The following VAT1L variants were observed in gnomAD, a reference collection of about 807,000 sequenced individuals.
The protein encoded by VAT1L is putative NADPH-dependent quinone oxidoreductase VAT1L.
Under a neutral mutation model 44.1 loss-of-function variants are expected in VAT1L, and 34 were observed. The observed-to-expected ratio is 0.77, with a 90% CI of 0.59 to 1.03. VAT1L has a LOEUF of 1.03. Among genes scored for constraint, VAT1L ranks in the 50% least tolerant of loss-of-function variants. The probability of loss-of-function intolerance (pLI) is 0.00; values close to 1 mark genes in which losing one functional copy is unlikely to be tolerated. For synonymous variants in VAT1L, 253 were observed against 202.2 expected, an observed-to-expected ratio of 1.25 and a Z score of -2.13; for missense variants, 615 against 538.8, an observed-to-expected ratio of 1.14 and a Z score of -1.40.
chr16:77,820,670 T>C (rs1364453398), intron 2 of VAT1L, among the ~76,000 whole-genome samples: 1 of 152,174 alleles, frequency 6.6e-6, no homozygotes, highest in African/African-American at 2.4e-5. Flanking sequence ...CTGCTTCTGC[T>C]CTTCAAAGGC....
chr16:77,798,908 C>T lies in VAT1L; in HGVS notation c.233+9993C>T, dbSNP rs139239343. Among the ~76,000 whole-genome samples the T allele has an allele frequency of 2.6e-4, 40 of 152,032 alleles. No homozygotes were observed. In the East Asian group the frequency reaches 7.0e-3, roughly 27 times the overall value. On this transcript the variant is annotated intron_variant, in intron 1 of 8. Coordinates refer to ENST00000302536, the MANE Select transcript of VAT1L (RefSeq NM_020927.3). ...CCCCTCTCTCGTTATTTCAGCCCTG[C>T]TGGCCATCATGATGAGTTTGTCCCT... is the stretch of plus-strand genomic sequence containing the variant.
chr16:77,873,238 G>T (rs986711496), intron 4 of VAT1L, among the ~76,000 whole-genome samples: 1 of 152,178 alleles, frequency 6.6e-6, no homozygotes, highest in African/African-American at 2.4e-5. Flanking sequence ...TTGAATTCCA[G>T]CTGTGCTAGT....
chr16:77,825,527 C>CTGAG, intron 3 of VAT1L, 66 bp downstream of exon 3: 1 of 1,508,172 alleles, frequency 6.6e-7, no homozygotes, highest in East Asian at 2.5e-5. Flanking sequence ...TGACACCCCC[C>CTGAG]TGAGGTCTTA....
intron 7 of VAT1L, among the ~76,000 whole-genome samples, chr16:77,890,831 G>A (rs924568425): frequency 3.9e-5 from 6 of 151,950 alleles, no homozygotes; most frequent in Admixed American, 2.0e-4. Context: ...GGCTGAGGTG[G>A]GAGGATGACT....
chr16:77,803,211 A>G (rs1026167979), intron 1 of VAT1L, among the ~76,000 whole-genome samples: 2 of 152,128 alleles, frequency 1.3e-5, no homozygotes, highest in South Asian at 4.1e-4. Flanking sequence ...CATTAGACTT[A>G]AATATTACCT....
intron 3 of VAT1L, among the ~76,000 whole-genome samples, chr16:77,837,826 A>G (rs974735260): frequency 2.0e-5 from 3 of 152,124 alleles, no homozygotes; most frequent in Non-Finnish European, 4.4e-5. Flanking sequence ...CTTGTAATGG[A>G]CTTAGATGCT....
chr16:77,833,946 G>C (rs576289506), intron 3 of VAT1L, among the ~76,000 whole-genome samples: 79 of 152,212 alleles, frequency 5.2e-4, no homozygotes, highest in African/African-American at 1.9e-3. Flanking sequence ...ATTCACTGCT[G>C]TTTTACTTCT....
intron 2 of VAT1L, among the ~76,000 whole-genome samples, chr16:77,824,083 A>C (rs1488026015): frequency 6.6e-6 from 1 of 152,204 alleles, no homozygotes; most frequent in Admixed American, 6.5e-5. Flanking sequence ...TTCTCCAGCC[A>C]GGCTGTAAGT....
chr16:77,884,515 C>G lies in VAT1L; in HGVS notation c.883-93C>G. ...TCTGCTGAGCTGCAGCCCCACGTTCCCCCTGTAGTAGCTGATGACATCAGC... is the reference window on the plus strand; with the variant it reads ...TCTGCTGAGCTGCAGCCCCACGTTCGCCCTGTAGTAGCTGATGACATCAGC... On this transcript the variant is annotated intron_variant, in intron 6 of 8. Transcript: ENST00000302536. The surrounding 1 kb of genome is among the most constrained non-coding windows in gnomAD (Gnocchi z 4.5). 7.6e-7 allele frequency: 1 copy of G among 1,310,480 alleles called. No homozygotes were observed. The highest frequency in any genetic ancestry group is 1.5e-5 in the African/African-American group (1 of 65,848). 81.2% of individuals were successfully genotyped at this position (1,310,480 alleles called of 1,614,324 possible). A position where few individuals can be genotyped will look rare whatever the true frequency, so the allele number is the denominator to read the frequency against.
chr16:77,965,298 GA>G (rs2018211352), intron 7 of VAT1L, among the ~76,000 whole-genome samples: 1 of 152,206 alleles, frequency 6.6e-6, no homozygotes, highest in African/African-American at 2.4e-5. Context: ...ATGAGATGCA[GA>G]GAGAGGAAGC....
At chr16:77,883,036 T>C (rs1033810479) in intron 6 of VAT1L, among the ~76,000 whole-genome samples, 6 of 152,216 alleles carry the variant, frequency 3.9e-5, no homozygotes, top group African/African-American at 1.2e-4. Flanking sequence ...CATCATTGTT[T>C]TCAACCTGCC....
chr16:77,927,617 C>G (rs1298380448), intron 7 of VAT1L, among the ~76,000 whole-genome samples: 1 of 152,042 alleles, frequency 6.6e-6, no homozygotes, highest in Admixed American at 6.6e-5. Context: ...GTAGCTTTTG[C>G]CTGTAATCCC....
At chr16:77,810,241 C>CT (rs2016241486) in intron 1 of VAT1L, among the ~76,000 whole-genome samples, 1 of 152,162 alleles carries the variant, frequency 6.6e-6, no homozygotes, top group South Asian at 2.1e-4. Context: ...CAGTGATTCT[C>CT]TAAGTGTGGT....
chr16:77,876,508 A>C (rs760932400), intron 5 of VAT1L, 35 bp downstream of exon 5: 2 of 1,582,886 alleles, frequency 1.3e-6, no homozygotes, highest in South Asian at 2.2e-5. Flanking sequence ...CGTGGTCAGC[A>C]ATAGGTACCT....
chr16:77,974,771 G>T (rs1311417663), intron 8 of VAT1L, among the ~76,000 whole-genome samples: 1 of 151,998 alleles, frequency 6.6e-6, no homozygotes, highest in Admixed American at 6.6e-5. Context: ...GTTTCACCAT[G>T]TTGGCCAGGC....
chr16:77,829,502 T>C (rs1462385842), intron 3 of VAT1L, among the ~76,000 whole-genome samples: 2 of 152,172 alleles, frequency 1.3e-5, no homozygotes, highest in Non-Finnish European at 2.9e-5. Flanking sequence ...CAGGATACAC[T>C]CTCATTGGAA....
chr16:77,846,635 T>C (rs2016760411), intron 3 of VAT1L, among the ~76,000 whole-genome samples: 1 of 152,166 alleles, frequency 6.6e-6, no homozygotes, highest in African/African-American at 2.4e-5. Context: ...GAATCAAAGA[T>C]ACTTATACAA....
At chr16:77,885,665 A>C (rs1251707155) in intron 7 of VAT1L, among the ~76,000 whole-genome samples, 1 of 151,876 alleles carries the variant, frequency 6.6e-6, no homozygotes, top group Non-Finnish European at 1.5e-5. Context: ...TGCATTTTGC[A>C]TGAGGGAAGT....
chr16:77,792,744 G>A (rs946910261), intron 1 of VAT1L, among the ~76,000 whole-genome samples: 1 of 152,108 alleles, frequency 6.6e-6, no homozygotes, highest in Non-Finnish European at 1.5e-5. Flanking sequence ...TACAAACCAC[G>A]CCTTCTGGTT....
Sources: allele counts gnomAD v4.1 joint callset (sites outside exome capture counted in the v4.1 genomes callset), GRCh38; gene constraint gnomAD v4.1.1; non-coding constraint Gnocchi (gnomAD v3.1); transcripts MANE v1.5; gene names NCBI Gene and HGNC (gene_info 2026-07-23, HGNC 2026-07-21).